The following RAB11FIP4 variants were observed in gnomAD, a reference collection of about 807,000 sequenced individuals.
The protein encoded by RAB11FIP4 is RAB11 family interacting protein 4.
RAB11FIP4 carries 23 observed loss-of-function variants against 74.3 expected under a neutral mutation model. That is an observed-to-expected ratio of 0.31 (90% CI 0.22 to 0.44). The LOEUF is 0.44. Ranked by LOEUF, RAB11FIP4 falls within the 20% of genes least tolerant of loss-of-function variation. RAB11FIP4 has a pLI of 1.00. For missense variants in RAB11FIP4, 630 were observed against 863.9 expected, an observed-to-expected ratio of 0.73 and a Z score of 3.39; for synonymous variants, 360 against 359.9, an observed-to-expected ratio of 1.00 and a Z score of 0.00.
At chr17:31,517,378 T>C (rs2072577343) in intron 3 of RAB11FIP4, among the ~76,000 whole-genome samples, 3 of 152,096 alleles carry the variant, frequency 2.0e-5, no homozygotes, top group Admixed American at 2.0e-4. Context: ...CAGGGTGCCC[T>C]GAATAAAGTG....
At chr17:31,426,550 A>G (rs997706436) in intron 1 of RAB11FIP4, among the ~76,000 whole-genome samples, 4 of 149,444 alleles carry the variant, frequency 2.7e-5, no homozygotes. Flanking sequence ...ACCAGCATGC[A>G]TTGTTCTAAT....
At chr17:31,527,629 C>G (rs73988089) in intron 10 of RAB11FIP4, 344,833 of 504,018 alleles carry the variant, frequency 0.68, 119,912 homozygotes, top group African/African-American at 0.86. Flanking sequence ...TGATAATTTA[C>G]TATTTTGCTT....
chr17:31,515,090 A>G (rs1597973035), intron 3 of RAB11FIP4, among the ~76,000 whole-genome samples: 1 of 152,290 alleles, frequency 6.6e-6, no homozygotes, highest in East Asian at 1.9e-4. Flanking sequence ...AAATGGGGAT[A>G]ATGATCACTG....
chr17:31,431,556 G>A (rs2071309542), intron 1 of RAB11FIP4: 3 of 429,662 alleles, frequency 7.0e-6, no homozygotes, highest in Admixed American at 4.7e-5. Flanking sequence ...AAGGAGGCTC[G>A]GCCCCTGAAG....
At chr17:31,525,437 G>C in intron 10 of RAB11FIP4, 1 of 594,194 alleles carries the variant, frequency 1.7e-6, no homozygotes, top group Admixed American at 3.2e-5. Context: ...AATGTTCCCA[G>C]GAGCGTGGCT....
intron 1 of RAB11FIP4, among the ~76,000 whole-genome samples, chr17:31,415,654 G>A (rs1597904662): frequency 6.6e-6 from 1 of 152,172 alleles, no homozygotes; most frequent in East Asian, 1.9e-4. Flanking sequence ...TCCAGATGGG[G>A]AAACTGAGGC....
chr17:31,414,432 G>A (rs2071128004), intron 1 of RAB11FIP4, among the ~76,000 whole-genome samples: 1 of 152,222 alleles, frequency 6.6e-6, no homozygotes, highest in Admixed American at 6.5e-5. Flanking sequence ...TGCCTGCAGA[G>A]GCCAGTCCAC....
At chr17:31,504,737 A>G (rs952133999) in intron 3 of RAB11FIP4, among the ~76,000 whole-genome samples, 1 of 152,160 alleles carries the variant, frequency 6.6e-6, no homozygotes, top group Non-Finnish European at 1.5e-5. Context: ...TCCAGATTCC[A>G]TCCTCCTTGT....
chr17:31,460,807 T>G (rs1567663712), intron 3 of RAB11FIP4, among the ~76,000 whole-genome samples: 1 of 152,114 alleles, frequency 6.6e-6, no homozygotes. Flanking sequence ...CCTAGCTCAT[T>G]GCATCCTCCA....
chr17:31,454,885 A>G (rs1042271049), intron 3 of RAB11FIP4, among the ~76,000 whole-genome samples: 1 of 151,866 alleles, frequency 6.6e-6, no homozygotes, highest in African/African-American at 2.4e-5. Flanking sequence ...CTCCTTCTCA[A>G]AAAAAAAGAT....
intron 13 of RAB11FIP4, 105 bp downstream of exon 13, chr17:31,528,883 C>A: frequency 7.9e-7 from 1 of 1,260,716 alleles, no homozygotes; most frequent in South Asian, 1.5e-5. Context: ...TGTAGCAGCA[C>A]TGCCTGTCTG....
chr17:31,506,106 A>G (rs76526750), intron 3 of RAB11FIP4, among the ~76,000 whole-genome samples: 21,729 of 152,170 alleles, frequency 0.14, 1,953 homozygotes, highest in East Asian at 0.31. Flanking sequence ...AAAGTGTTAC[A>G]TCTTGTTAAA....
intron 3 of RAB11FIP4, among the ~76,000 whole-genome samples, chr17:31,450,605 C>T (rs1291544693): frequency 6.6e-6 from 1 of 151,834 alleles, no homozygotes; most frequent in Non-Finnish European, 1.5e-5. Flanking sequence ...TCAGCCTTGC[C>T]CGCCCTCCTC....
chr17:31,428,814 T>C lies in RAB11FIP4; in HGVS notation c.160-2999T>C, dbSNP rs189914461. Among the ~76,000 whole-genome samples, 525 of 152,162 alleles carry C rather than the reference T, an allele frequency of 3.5e-3. 2 individuals are homozygous for C. Among genetic ancestry groups the C allele is most frequent in the African/African-American group, 0.012 (496 of 41,516 alleles). On this transcript the variant is annotated intron_variant, in intron 1 of 14. Transcript: ENST00000621161. The stretch of plus-strand genomic sequence containing the variant: ...GGCTTCTGAGCCAGGCGTGGTGGCG[T>C]GCCTGTAGTCCCAGCTACTTGGGAG...
Position 31,528,768 on chromosome 17 carries a change from G to A in RAB11FIP4, c.1643G>A (p.Arg548Gln), listed in dbSNP as rs762560997. ...REVELEHEVK[R>Q]LKQENYKLRD... ...GTGGAGCTCGAGCACGAGGTCAAGC[G>A]GCTCAAGCAGGTGGGTCTAGCAGTC... is the stretch of plus-strand genomic sequence containing the variant. The change falls in exon 13 of 15, where the codon CGG becomes CAG. Residue 548 changes from arginine (R) to glutamine (Q), a missense_variant. By Grantham distance (43) the Arg-to-Gln change is conservative (BLOSUM62 1). Transcript: ENST00000621161. 9.9e-6 allele frequency: 16 copies of A among 1,608,800 alleles called. No individual in the cohort carries two copies. The highest frequency in any genetic ancestry group is 1.2e-5 in the Non-Finnish European group (14 of 1,178,548).
intron 3 of RAB11FIP4, among the ~76,000 whole-genome samples, chr17:31,479,504 G>C (rs1396985881): frequency 6.6e-6 from 1 of 152,198 alleles, no homozygotes; most frequent in Non-Finnish European, 1.5e-5. Context: ...AAGACACCAG[G>C]GGCATGGACC....
chr17:31,430,268 A>G (rs1360303411), intron 1 of RAB11FIP4, among the ~76,000 whole-genome samples: 1 of 152,062 alleles, frequency 6.6e-6, no homozygotes. Flanking sequence ...GCTAGAGTAC[A>G]GTGAGTGATG....
Position 31,480,243 on chromosome 17 carries a change from CCT to C in RAB11FIP4, c.337-37407_337-37406del, listed in dbSNP as rs1392579762. Among the ~76,000 whole-genome samples, 7 of 152,140 alleles carry C rather than the reference CCT, an allele frequency of 4.6e-5. No individual in the cohort carries two copies. The East Asian group carries it at 5.8e-4, about 13-fold the overall frequency. On this transcript the variant is annotated intron_variant, in intron 3 of 14. Transcript: ENST00000621161. ...GACAGATTACTGCCTCACTCAGGCCCCTGTCAGATGTTACTGCTGACAGTTGG... is the reference window on the plus strand; with the variant it reads ...GACAGATTACTGCCTCACTCAGGCCCGTCAGATGTTACTGCTGACAGTTGG...
intron 7 of RAB11FIP4, 167 bp from the exon 8 acceptor site, chr17:31,523,345 G>A (rs1033034384): frequency 2.7e-5 from 18 of 656,278 alleles, no homozygotes; most frequent in Non-Finnish European, 4.1e-5. Flanking sequence ...TCTGGGCGGG[G>A]TGATCCGCTG....
Sources: allele counts gnomAD v4.1 joint callset (sites outside exome capture counted in the v4.1 genomes callset), GRCh38; gene constraint gnomAD v4.1.1; transcripts MANE v1.5; gene names NCBI Gene and HGNC (gene_info 2026-07-23, HGNC 2026-07-21).